The following TMEM232 variants were observed in gnomAD, a reference collection of about 807,000 sequenced individuals.
The protein encoded by TMEM232 is transmembrane protein 232.
In TMEM232, 80 loss-of-function variants were observed where a neutral mutation model predicts 78.8. The ratio of observed to expected loss-of-function variants is 1.01; its 90% CI spans 0.85 to 1.22. TMEM232 has a LOEUF of 1.22. TMEM232 is among the 50% of genes most tolerant of loss of function. The pLI is 0.00. For missense variants in TMEM232, 881 were observed against 742.2 expected (o/e 1.19, Z -2.17); for synonymous variants, 297 against 254.3 (o/e 1.17, Z -1.60).
At chr5:110,684,298 A>C (rs1401042013) in intron 1 of TMEM232, among the ~76,000 whole-genome samples, 1 of 152,040 alleles carries the variant, frequency 6.6e-6, no homozygotes, top group African/African-American at 2.4e-5. Context: ...TTTACATTAA[A>C]ATCTCTGAAG....
chr5:110,660,338 T>C (rs574037841), intron 2 of TMEM232, among the ~76,000 whole-genome samples: 1 of 152,132 alleles, frequency 6.6e-6, no homozygotes, highest in African/African-American at 2.4e-5. Context: ...TTATGTTCAG[T>C]TTTAAACATT....
chr5:110,388,579 T>C (rs765297539), intron 4 of TMEM232, among the ~76,000 whole-genome samples: 37 of 152,178 alleles, frequency 2.4e-4, no homozygotes, highest in Non-Finnish European at 5.9e-5. Flanking sequence ...AACTCCTATA[T>C]CACTTGCTTC....
chr5:110,456,310 C>G (rs552968337), intron 12 of TMEM232, among the ~76,000 whole-genome samples: 1 of 151,714 alleles, frequency 6.6e-6, no homozygotes, highest in South Asian at 2.1e-4. Flanking sequence ...TATACAACAA[C>G]AAAAACATAA....
chr5:110,491,892 T>A (rs1765135648), intron 12 of TMEM232, among the ~76,000 whole-genome samples: 2 of 151,858 alleles, frequency 1.3e-5, no homozygotes, highest in South Asian at 2.1e-4. Context: ...TAAAATAAAT[T>A]ATAAATAGAG....
chr5:110,688,500 A>T (rs1793702947), intron 1 of TMEM232, among the ~76,000 whole-genome samples: 1 of 152,130 alleles, frequency 6.6e-6, no homozygotes, highest in African/African-American at 2.4e-5. Context: ...AGGTGACAGC[A>T]CCTCAAAAGA....
chr5:110,725,648 G>T (rs1316680337), intron 1 of TMEM232: 1 of 152,202 alleles, frequency 6.6e-6, no homozygotes, highest in African/African-American at 2.4e-5. Flanking sequence ...ACTTTAAAGA[G>T]AAATGTTTCA....
At chr5:110,653,630 T>C (rs527681147) in intron 2 of TMEM232, among the ~76,000 whole-genome samples, 5 of 152,146 alleles carry the variant, frequency 3.3e-5, no homozygotes, top group Non-Finnish European at 7.3e-5. Context: ...TCTAAATCAA[T>C]AGGGCATGAT....
At chr5:110,556,071 T>C (rs190530943) in intron 11 of TMEM232, among the ~76,000 whole-genome samples, 238 of 152,292 alleles carry the variant, frequency 1.6e-3, no homozygotes, top group Middle Eastern at 3.4e-3. Flanking sequence ...TGTTGCTTTA[T>C]GGCGTAAATG....
chr5:110,727,907 T>C (rs532005203), upstream of TMEM232, among the ~76,000 whole-genome samples: 2 of 152,310 alleles, frequency 1.3e-5, no homozygotes, highest in South Asian at 4.1e-4. Context: ...CAACAGTGCT[T>C]ACCATAATCC....
At chr5:110,709,734 C>T (rs913068782) in intron 1 of TMEM232, among the ~76,000 whole-genome samples, 6 of 151,852 alleles carry the variant, frequency 4.0e-5, no homozygotes, top group Non-Finnish European at 8.8e-5. Flanking sequence ...ATAATGAGAG[C>T]AGTACTAAGA....
At chr5:110,587,685 ATATATATGTGTGTGTG>A (rs1231362163) in intron 10 of TMEM232, among the ~76,000 whole-genome samples, 193 of 90,614 alleles carry the variant, frequency 2.1e-3, no homozygotes, top group African/African-American at 7.2e-3. Flanking sequence ...ATATATATAT[ATATATATGTGTGTGTG>A]TGTGTGTGTG....
intron 12 of TMEM232, among the ~76,000 whole-genome samples, chr5:110,469,996 C>G (rs1762501030): frequency 6.6e-6 from 1 of 152,124 alleles, no homozygotes; most frequent in East Asian, 1.9e-4. Context: ...ACCCCAGCAA[C>G]AGCCATACTC....
intron 13 of TMEM232, among the ~76,000 whole-genome samples, chr5:110,424,205 C>T (rs1757001119): frequency 6.6e-6 from 1 of 151,990 alleles, no homozygotes; most frequent in South Asian, 2.1e-4. Context: ...TATTGAACTA[C>T]TGGTGATAAA....
chr5:110,715,364 A>G (rs1796908882), intron 1 of TMEM232, among the ~76,000 whole-genome samples: 1 of 152,182 alleles, frequency 6.6e-6, no homozygotes, highest in Non-Finnish European at 1.5e-5. Flanking sequence ...TAGAGACTAA[A>G]TGTAAATGAC....
intron 2 of TMEM232, among the ~76,000 whole-genome samples, chr5:110,645,791 A>T (rs1490277000): frequency 1.3e-5 from 2 of 151,662 alleles, no homozygotes; most frequent in Admixed American, 6.6e-5. Context: ...CACTTCTTGC[A>T]AATGACATAT....
At chr5:110,497,157 T>C (rs1388843032) in intron 12 of TMEM232, among the ~76,000 whole-genome samples, 1 of 151,950 alleles carries the variant, frequency 6.6e-6, no homozygotes, top group Admixed American at 6.6e-5. Context: ...AAAAAAACCT[T>C]ATGAGCAATA....
At chr5:110,541,494 T>G (rs1256177446) in intron 11 of TMEM232, among the ~76,000 whole-genome samples, 2 of 152,240 alleles carry the variant, frequency 1.3e-5, no homozygotes, top group East Asian at 3.9e-4. Flanking sequence ...TTGGATTAAC[T>G]CAGAGACTCC....
chr5:110,618,178 C>A (rs1192404832), intron 8 of TMEM232, among the ~76,000 whole-genome samples: 1 of 150,498 alleles, frequency 6.6e-6, no homozygotes, highest in Non-Finnish European at 1.5e-5. Context: ...TAATAAAAAA[C>A]TGCATTTAAT....
At chr5:110,426,984 G>C (rs1757310352) in intron 12 of TMEM232, among the ~76,000 whole-genome samples, 1 of 151,866 alleles carries the variant, frequency 6.6e-6, no homozygotes, top group African/African-American at 2.4e-5. Context: ...AATATCAAAA[G>C]ACCTTTAACA....
Sources: gnomAD v4.1 joint callset for allele counts (sites outside exome capture counted in the v4.1 genomes callset) on GRCh38, gnomAD v4.1.1 for gene constraint, MANE v1.5 for transcripts, NCBI Gene and HGNC (gene_info 2026-07-23, HGNC 2026-07-21) for gene names.